The following COPG2 variants were observed in gnomAD, a reference collection of about 807,000 sequenced individuals.
COPG2 encodes the protein coat protein complex I subunit gamma 2.
A neutral mutation model predicts 46.3 loss-of-function variants in COPG2; 37 were observed. That is an observed-to-expected ratio of 0.80 (90% CI 0.61 to 1.05). COPG2 has a LOEUF of 1.05. Among genes scored for constraint, COPG2 ranks in the 50% least tolerant of loss-of-function variants. The pLI is 0.00. For synonymous variants in COPG2, 159 were observed against 129.7 expected (o/e 1.23, Z -1.53); for missense variants, 427 against 387.8 (o/e 1.10, Z -0.85).
At chr7:130,657,005 T>C (rs534955677) in intron 4 of COPG2, among the ~76,000 whole-genome samples, 66 of 149,992 alleles carry the variant, frequency 4.4e-4, no homozygotes, top group African/African-American at 1.4e-3. Context: ...ATATTATCTA[T>C]ATATAATATA....
At position 130,577,685 on chromosome 7, in the gene COPG2, C is replaced by T. The variant is rs1208540853; in HGVS notation, c.738-13292G>A. 1.4e-3 allele frequency among the ~76,000 whole-genome samples: 205 copies of T among 147,210 alleles called. 1 individual carries two copies. Among genetic ancestry groups the T allele is most frequent in the African/African-American group, 5.1e-3 (198 of 39,134 alleles). ...CTGAGGCAGGAGAATGGCGTGAACC[C>T]GGGAAGCGGAGCTTGCAGTGAGCCG... is the stretch of plus-strand genomic sequence containing the variant. On this transcript the variant is annotated intron_variant, in intron 9 of 23. Transcript: ENST00000425248.
chr7:130,646,943 G>C (rs1554458309), intron 5 of COPG2, among the ~76,000 whole-genome samples: 13 of 138,294 alleles, frequency 9.4e-5, no homozygotes, highest in Non-Finnish European at 2.0e-4. Context: ...ATATATATAC[G>C]TATATATATA....
At chr7:130,631,267 G>A (rs782646127) in intron 5 of COPG2, among the ~76,000 whole-genome samples, 1 of 149,864 alleles carries the variant, frequency 6.7e-6, no homozygotes, top group African/African-American at 2.5e-5. Flanking sequence ...CGCCTCCCAG[G>A]TTCAAATGAT....
intron 4 of COPG2, among the ~76,000 whole-genome samples, chr7:130,656,255 A>T (rs1795850838): frequency 6.6e-6 from 1 of 151,838 alleles, no homozygotes; most frequent in African/African-American, 2.4e-5. Flanking sequence ...AAAATAATTA[A>T]TTTTTAAAAA....
rs1554441296 is a variant in COPG2 at position 130,513,321 on chromosome 7, A to ATATGTGTGTGTGTGTGTG, written c.2150-4663_2150-4662insCACACACACACACACATA. Among the ~76,000 whole-genome samples the ATATGTGTGTGTGTGTGTG allele has an allele frequency of 1.3e-3, 56 of 42,700 alleles. 3 individuals are homozygous for ATATGTGTGTGTGTGTGTG. Among genetic ancestry groups the ATATGTGTGTGTGTGTGTG allele is most frequent in the Middle Eastern group, 0.011 (1 of 94 alleles). The allele number at this position is 42,700 out of a possible 152,430, so 28.0% of individuals were successfully genotyped here. A position where few individuals can be genotyped will look rare whatever the true frequency, so the allele number is the denominator to read the frequency against. On this transcript the variant is annotated intron_variant, in intron 20 of 23. Coordinates refer to ENST00000425248, the MANE Select transcript of COPG2 (RefSeq NM_012133.6). ...AAAAAAAAAAAAAATATATATATAT[A>ATATGTGTGTGTGTGTGTG]TATATATATATATATATATATGTGT...
intron 20 of COPG2, among the ~76,000 whole-genome samples, chr7:130,529,979 A>G (rs915527948): frequency 1.3e-5 from 2 of 152,140 alleles, no homozygotes; most frequent in African/African-American, 4.8e-5. Context: ...GTTAAGTGGG[A>G]GATGTTTAGG....
At chr7:130,633,503 G>A (rs1380379243) in intron 5 of COPG2, among the ~76,000 whole-genome samples, 3 of 151,812 alleles carry the variant, frequency 2.0e-5, no homozygotes, top group Admixed American at 6.6e-5. Context: ...CAGTGATGAT[G>A]AGCTTTATTT....
chr7:130,550,138 C>T (rs1793512814), intron 17 of COPG2, among the ~76,000 whole-genome samples: 1 of 152,002 alleles, frequency 6.6e-6, no homozygotes, highest in Non-Finnish European at 1.5e-5. Context: ...CGGCTGAGCA[C>T]GGTGGCTCCC....
At chr7:130,661,037 T>G (rs2116260804) in intron 4 of COPG2, among the ~76,000 whole-genome samples, 1 of 152,346 alleles carries the variant, frequency 6.6e-6, no homozygotes, top group Non-Finnish European at 1.5e-5. Context: ...CTGCAGGCTG[T>G]AGCTGGAGAA....
chr7:130,535,364 G>T lies in COPG2; in HGVS notation c.2149+12310C>A, dbSNP rs914908826. 6.4e-4 allele frequency among the ~76,000 whole-genome samples: 97 copies of T among 151,988 alleles called. 1 individual carries two copies. The highest frequency in any genetic ancestry group is 2.2e-4 in the Non-Finnish European group (15 of 67,974). ...GAGGGGCCTCCAGGGAAGGATGGAGGGCAGAAAGCGTGGTGGAAGGGAGCT... is the reference window on the plus strand; with the variant it reads ...GAGGGGCCTCCAGGGAAGGATGGAGTGCAGAAAGCGTGGTGGAAGGGAGCT... On this transcript the variant is annotated intron_variant, in intron 20 of 23. Coordinates refer to ENST00000425248, the MANE Select transcript of COPG2 (RefSeq NM_012133.6).
intron 12 of COPG2, among the ~76,000 whole-genome samples, chr7:130,555,899 T>C (rs1793615649): frequency 3.9e-5 from 6 of 152,180 alleles, no homozygotes. Flanking sequence ...ACGTGAGATT[T>C]TACCCTGCTT....
chr7:130,584,716 C>CA (rs1339285797), intron 9 of COPG2, among the ~76,000 whole-genome samples: 29 of 151,300 alleles, frequency 1.9e-4, no homozygotes, highest in East Asian at 1.2e-3. Flanking sequence ...ACAATAGCTG[C>CA]AAAAAAAATA....
chr7:130,621,136 C>G (rs1003028193), intron 5 of COPG2, among the ~76,000 whole-genome samples: 3 of 152,084 alleles, frequency 2.0e-5, no homozygotes, highest in African/African-American at 4.8e-5. Flanking sequence ...GAAAGGGGAG[C>G]TAGGATTCGA....
At chr7:130,555,266 A>T in intron 12 of COPG2, 134 bp from the exon 13 acceptor site, 1 of 381,932 alleles carries the variant, frequency 2.6e-6, no homozygotes, top group Non-Finnish European at 4.6e-6. Flanking sequence ...CAAGCTAAGA[A>T]GATCCTGTAG....
At chr7:130,508,694 G>T in intron 20 of COPG2, 35 bp from the exon 21 acceptor site, 1 of 727,922 alleles carries the variant, frequency 1.4e-6, no homozygotes. Context: ...GCATCAGTGG[G>T]GAGTGCAAGG....
chr7:130,518,672 G>A (rs1452100179), intron 20 of COPG2, among the ~76,000 whole-genome samples: 1 of 152,188 alleles, frequency 6.6e-6, no homozygotes, highest in Non-Finnish European at 1.5e-5. Flanking sequence ...TATTATGTTA[G>A]AACTGGCTGT....
chr7:130,667,360 T>C, intron 2 of COPG2, 122 bp downstream of exon 2: 3 of 743,872 alleles, frequency 4.0e-6, no homozygotes, highest in Non-Finnish European at 4.4e-6. Context: ...CAAATCTATA[T>C]TCCCTAAACT....
chr7:130,663,012 AGCTT>A lies in COPG2; in HGVS notation c.194_197del (p.Glu65ValfsTer8). 6.5e-7 allele frequency: 1 copy of A among 1,548,482 alleles called. No individual in the cohort carries two copies. ...GCGTCATTGCAAAGAAGGCTTCTGT[AGCTT>A]CCGTTGTTCCAAAGTGTTCACCCTA... On this transcript the variant is annotated frameshift_variant, in exon 4 of 24. Transcript: ENST00000425248. LOFTEE classifies it high-confidence loss of function.
rs564818982 is a variant in COPG2, at chr7:130,668,583, G to A, written c.37+49C>T. 8.8e-6 allele frequency: 13 copies of A among 1,477,840 alleles called. No individual in the cohort carries two copies. In the Admixed American group the frequency reaches 2.8e-4, roughly 31 times the overall value. 91.5% of individuals were successfully genotyped at this position (1,477,840 alleles called of 1,614,324 possible). On this transcript the variant is annotated intron_variant, in intron 1 of 23. Coordinates refer to ENST00000425248, the MANE Select transcript of COPG2 (RefSeq NM_012133.6). Reference sequence around the variant, plus strand: ...TGAAAGCAGGTGGCGGCGGGCGGGGGAAGGGGCGTCCCGCGGCTGAGGGTG... The same window carrying A: ...TGAAAGCAGGTGGCGGCGGGCGGGGAAAGGGGCGTCCCGCGGCTGAGGGTG...
Sources: allele counts gnomAD v4.1 joint callset (sites outside exome capture counted in the v4.1 genomes callset), GRCh38; gene constraint gnomAD v4.1.1; transcripts MANE v1.5; gene names NCBI Gene and HGNC (gene_info 2026-07-23, HGNC 2026-07-21).